The following HIPK2 variants were observed in gnomAD, a reference collection of about 807,000 sequenced individuals.
The protein encoded by HIPK2 is homeodomain-interacting protein kinase 2.
HIPK2 carries 27 observed loss-of-function variants against 113.7 expected under a neutral mutation model. The observed-to-expected ratio is 0.24, with a 90% CI of 0.17 to 0.33. The LOEUF is 0.33. Among genes scored for constraint, HIPK2 ranks in the 10% least tolerant of loss-of-function variants. The pLI, the probability that HIPK2 is intolerant of heterozygous loss-of-function variation, is 1.00. For synonymous variants in HIPK2, 631 were observed against 642.2 expected (o/e 0.98, Z 0.26); for missense variants, 1,257 against 1,588.0 (o/e 0.79, Z 3.54).
At chr7:139,607,976 C>A (rs1185522481) in intron 9 of HIPK2, among the ~76,000 whole-genome samples, 1 of 152,106 alleles carries the variant, frequency 6.6e-6, no homozygotes, top group Admixed American at 6.6e-5. Context: ...CAGTGGCTCA[C>A]ACCTGTAATC....
intron 1 of HIPK2, among the ~76,000 whole-genome samples, chr7:139,750,611 TAAG>T (rs1031500746): frequency 1.8e-4 from 28 of 152,362 alleles, no homozygotes; most frequent in Admixed American, 9.8e-4. Context: ...AGTAGAAGGA[TAAG>T]AAGAAGTACT....
chr7:139,657,059 C>T lies in HIPK2; in HGVS notation c.1104-25334G>A, dbSNP rs527971340. On this transcript the variant is annotated intron_variant, in intron 2 of 14. Coordinates refer to ENST00000406875, the MANE Select transcript of HIPK2 (RefSeq NM_022740.5). ...CTAACTTTTGTATTTTTAATAGAGA[C>T]GGGGTTTCACCACATTGGCCAGGCT... 3.4e-4 allele frequency among the ~76,000 whole-genome samples: 52 copies of T among 152,204 alleles called. 1 individual carries two copies. Among genetic ancestry groups the T allele is most frequent in the African/African-American group, 1.0e-3 (43 of 41,536 alleles).
chr7:139,640,171 AAG>A (rs1469903994), intron 2 of HIPK2, among the ~76,000 whole-genome samples: 3 of 152,210 alleles, frequency 2.0e-5, no homozygotes, highest in African/African-American at 7.2e-5. Context: ...GCACCTAAGA[AAG>A]AGGGGGATAA....
At chr7:139,687,790 A>G (rs1040200793) in intron 2 of HIPK2, among the ~76,000 whole-genome samples, 1 of 152,184 alleles carries the variant, frequency 6.6e-6, no homozygotes, top group African/African-American at 2.4e-5. Flanking sequence ...CCCAGGCTAA[A>G]CACAATTCTG....
intron 11 of HIPK2, among the ~76,000 whole-genome samples, chr7:139,600,098 C>A (rs150444346): frequency 6.6e-6 from 1 of 152,112 alleles, no homozygotes; most frequent in African/African-American, 2.4e-5. Context: ...TCCACCGACA[C>A]CCCCCAACCC....
chr7:139,669,658 G>T (rs977885238), intron 2 of HIPK2, among the ~76,000 whole-genome samples: 1 of 147,110 alleles, frequency 6.8e-6, no homozygotes, highest in South Asian at 2.1e-4. Context: ...GTGGGCGGGT[G>T]GGGGGGACAC....
At position 139,730,011 on chromosome 7, in the gene HIPK2, G is replaced by T. The variant is rs114128496; in HGVS notation, c.20-12996C>A. 4.0e-3 allele frequency among the ~76,000 whole-genome samples: 606 copies of T among 152,304 alleles called. 6 individuals are homozygous for T. Among genetic ancestry groups the T allele is most frequent in the African/African-American group, 0.014 (569 of 41,556 alleles). ...AACCAGACCTGCAGCAGATACTGAG[G>T]AGGCCAGGTGTGTGCCTGGCAACGG... On this transcript the variant is annotated intron_variant, in intron 1 of 14. Transcript: ENST00000406875.
chr7:139,662,768 C>T (rs1478154162), intron 2 of HIPK2, among the ~76,000 whole-genome samples: 3 of 151,978 alleles, frequency 2.0e-5, no homozygotes, highest in African/African-American at 7.3e-5. Flanking sequence ...TACAGGTGCA[C>T]GCCACCACAC....
chr7:139,777,564 G>A (rs890172833), intron 1 of HIPK2, 41 bp downstream of exon 1: 1 of 959,606 alleles, frequency 1.0e-6, no homozygotes, highest in East Asian at 7.5e-5. Flanking sequence ...GGGCCGCGGA[G>A]GGCGGCGGGC....
intron 9 of HIPK2, among the ~76,000 whole-genome samples, chr7:139,607,272 A>G (rs1799652113): frequency 6.6e-6 from 1 of 152,144 alleles, no homozygotes; most frequent in Non-Finnish European, 1.5e-5. Flanking sequence ...ATTAATAAGA[A>G]TTCTGCAAAG....
chr7:139,595,210 C>T (rs1799160493), intron 12 of HIPK2, among the ~76,000 whole-genome samples: 1 of 152,238 alleles, frequency 6.6e-6, no homozygotes, highest in South Asian at 2.1e-4. Context: ...GGCAAGGCTG[C>T]TGGACCCTTC....
chr7:139,757,243 A>G (rs1197305196), intron 1 of HIPK2, among the ~76,000 whole-genome samples: 2 of 152,238 alleles, frequency 1.3e-5, no homozygotes, highest in Non-Finnish European at 2.9e-5. Flanking sequence ...GCTTTCCCGG[A>G]GGAAAAACTC....
intron 12 of HIPK2, among the ~76,000 whole-genome samples, chr7:139,593,482 G>C (rs1287473824): frequency 6.6e-6 from 1 of 152,218 alleles, no homozygotes; most frequent in Non-Finnish European, 1.5e-5. Context: ...GTGGGGTCAG[G>C]AATAATGATT....
At chr7:139,682,259 C>T (rs1296402215) in intron 2 of HIPK2, among the ~76,000 whole-genome samples, 1 of 152,218 alleles carries the variant, frequency 6.6e-6, no homozygotes, top group Non-Finnish European at 1.5e-5. Flanking sequence ...CCCTCACTCA[C>T]TCACTCATCA....
intron 2 of HIPK2, among the ~76,000 whole-genome samples, chr7:139,658,169 A>G (rs116034763): frequency 0.061 from 9,292 of 152,138 alleles, 397 homozygotes; most frequent in African/African-American, 0.12. Context: ...AGCTGAGTGG[A>G]GTGGTGTGTG....
chr7:139,601,939 A>G (rs1325331736), intron 10 of HIPK2, among the ~76,000 whole-genome samples: 1 of 145,794 alleles, frequency 6.9e-6, no homozygotes, highest in African/African-American at 2.5e-5. Context: ...AGAAACTCAT[A>G]TTATGGCTTC....
At chr7:139,636,120 A>G (rs1020461790) in intron 2 of HIPK2, among the ~76,000 whole-genome samples, 1 of 152,094 alleles carries the variant, frequency 6.6e-6, no homozygotes, top group African/African-American at 2.4e-5. Context: ...ACATCTGTTG[A>G]TCAACTTCTT....
intron 1 of HIPK2, among the ~76,000 whole-genome samples, chr7:139,729,324 TGAGAGAGA>T (rs71170912): frequency 0.08 from 5,549 of 68,940 alleles, 246 homozygotes; most frequent in Middle Eastern, 0.1. Context: ...ACCCTGTCTC[TGAGAGAGA>T]GAGAGAGAGA....
intron 2 of HIPK2, among the ~76,000 whole-genome samples, chr7:139,649,084 C>A (rs1801356514): frequency 3.6e-5 from 2 of 55,338 alleles, no homozygotes; most frequent in African/African-American, 7.5e-5. Flanking sequence ...CAATGCAGGC[C>A]ATCTATCATA....
Sources: allele counts gnomAD v4.1 joint callset (sites outside exome capture counted in the v4.1 genomes callset), GRCh38; gene constraint gnomAD v4.1.1; transcripts MANE v1.5; gene names NCBI Gene and HGNC (gene_info 2026-07-23, HGNC 2026-07-21).